LDLRAD4: variants seen among roughly 807,000 people sequenced by gnomAD.
The protein encoded by LDLRAD4 is low-density lipoprotein receptor class A domain-containing protein 4.
A neutral mutation model predicts 17.0 loss-of-function variants in LDLRAD4; 5 were observed. The observed-to-expected ratio is 0.29, with a 90% CI of 0.15 to 0.62. The LOEUF is 0.62. Among genes scored for constraint, LDLRAD4 ranks in the 20% least tolerant of loss-of-function variants. The pLI is 0.84. For missense variants in LDLRAD4, 340 were observed against 424.7 expected (o/e 0.80, Z 1.75); for synonymous variants, 168 against 171.8 (o/e 0.98, Z 0.17).
chr18:13,351,245 A>T (rs1568038217), intron 1 of LDLRAD4, among the ~76,000 whole-genome samples: 1 of 152,104 alleles, frequency 6.6e-6, no homozygotes, highest in Non-Finnish European at 1.5e-5. Context: ...CATGATATTG[A>T]TTCTTTCTAT....
Position 13,622,940 on chromosome 18 carries a change from G to C in LDLRAD4, c.336+1669G>C, listed in dbSNP as rs2040789754. 6.6e-6 allele frequency among the ~76,000 whole-genome samples: 1 copy of C among 152,160 alleles called. No individual in the cohort carries two copies. Among genetic ancestry groups the C allele is most frequent in the Admixed American group, 6.5e-5 (1 of 15,280 alleles). On this transcript the variant is annotated intron_variant, in intron 4 of 5. Coordinates refer to ENST00000359446, the Ensembl canonical transcript of LDLRAD4. This position sits in a 1 kb window ranked among gnomAD's most constrained non-coding sequence, Gnocchi z 5.3. ...GCACACAGGGAGTTTTCTGTCCCCT[G>C]CCTGGGCGCTCCCCAGTCTTCCTCC...
At chr18:13,257,839 G>A (rs1381357500) in intron 1 of LDLRAD4, among the ~76,000 whole-genome samples, 6 of 152,154 alleles carry the variant, frequency 3.9e-5, no homozygotes, top group African/African-American at 9.7e-5. Flanking sequence ...TGTGTCTGTC[G>A]TGCCCAGGTT....
At chr18:13,475,678 C>G (rs1600656887) in intron 3 of LDLRAD4, among the ~76,000 whole-genome samples, 1 of 152,290 alleles carries the variant, frequency 6.6e-6, no homozygotes, top group Middle Eastern at 3.4e-3. Flanking sequence ...GAACAGCCAA[C>G]AAGACCTGGC....
intron 1 of LDLRAD4, among the ~76,000 whole-genome samples, chr18:13,313,637 G>T (rs7242325): frequency 0.97 from 148,322 of 152,328 alleles, 72,334 homozygotes; most frequent in East Asian, 1. Flanking sequence ...ACGTGTGGAT[G>T]TCATTTGAAC....
chr18:13,389,269 C>T (rs777500941), intron 2 of LDLRAD4, among the ~76,000 whole-genome samples: 7 of 152,178 alleles, frequency 4.6e-5, no homozygotes, highest in Non-Finnish European at 1.0e-4. Context: ...CAGGGATGGG[C>T]AGCTCCCTCA....
At chr18:13,349,069 G>T (rs576186223) in intron 1 of LDLRAD4, among the ~76,000 whole-genome samples, 1 of 152,172 alleles carries the variant, frequency 6.6e-6, no homozygotes, top group Non-Finnish European at 1.5e-5. Flanking sequence ...TCGGTGCGCT[G>T]CCCCCACTGT....
intron 1 of LDLRAD4, among the ~76,000 whole-genome samples, chr18:13,263,847 A>T (rs2044060013): frequency 1.3e-5 from 2 of 152,250 alleles, no homozygotes; most frequent in Admixed American, 6.5e-5. Context: ...AAAGGTCATG[A>T]TTGGGTGGTA....
chr18:13,355,567 T>A (rs2083287457), intron 1 of LDLRAD4, among the ~76,000 whole-genome samples: 1 of 152,234 alleles, frequency 6.6e-6, no homozygotes, highest in African/African-American at 2.4e-5. Flanking sequence ...ATGCTGTCTG[T>A]CAATAATTCT....
chr18:13,601,094 A>G (rs1466260471), intron 3 of LDLRAD4, among the ~76,000 whole-genome samples: 2 of 152,196 alleles, frequency 1.3e-5, no homozygotes, highest in Non-Finnish European at 2.9e-5. Flanking sequence ...GTGTCATCAT[A>G]AAGTCCAGTC....
intron 1 of LDLRAD4, among the ~76,000 whole-genome samples, chr18:13,341,148 A>C (rs1260394964): frequency 3.3e-5 from 5 of 151,850 alleles, no homozygotes; most frequent in Admixed American, 3.3e-4. Flanking sequence ...CAAGTTTTGA[A>C]ATCAGGAATC....
intron 1 of LDLRAD4, among the ~76,000 whole-genome samples, chr18:13,340,701 T>C (rs1166728800): frequency 6.6e-6 from 1 of 152,198 alleles, no homozygotes; most frequent in African/African-American, 2.4e-5. Context: ...TTTCTTGATA[T>C]GTCTTTGGAT....
At chr18:13,309,937 A>G (rs1393264910) in intron 1 of LDLRAD4, among the ~76,000 whole-genome samples, 1 of 152,184 alleles carries the variant, frequency 6.6e-6, no homozygotes, top group Non-Finnish European at 1.5e-5. Flanking sequence ...ATGGAACGAT[A>G]GCGCAGTCTC....
intron 3 of LDLRAD4, chr18:13,612,258 G>A: frequency 1.0e-6 from 1 of 999,620 alleles, no homozygotes; most frequent in Non-Finnish European, 1.2e-6. Context: ...TGTGTGACAC[G>A]TCCAGGTGTG....
Position 13,622,212 on chromosome 18 carries a change from C to T in LDLRAD4, c.336+941C>T, listed in dbSNP as rs1179645995. ...GGGTGCAGCTGTCCAGGTGGGTTTC[C>T]TGGGGTGGCCGCTGGCCCTGGGACC... is the stretch of plus-strand genomic sequence containing the variant. On this transcript the variant is annotated intron_variant, in intron 4 of 5. Transcript: ENST00000359446. The surrounding 1 kb of genome is among the most constrained non-coding windows in gnomAD (Gnocchi z 5.3). Among the ~76,000 whole-genome samples, 1 of 152,094 alleles carries T rather than the reference C, an allele frequency of 6.6e-6. No individual in the cohort carries two copies. The highest frequency in any genetic ancestry group is 1.5e-5 in the Non-Finnish European group (1 of 67,992).
At chr18:13,274,266 C>A (rs957437633), upstream of LDLRAD4, among the ~76,000 whole-genome samples, 2 of 152,112 alleles carry the variant, frequency 1.3e-5, no homozygotes, top group Admixed American at 1.3e-4. Context: ...AGGGAGGAGG[C>A]CTGGATGGGG....
At chr18:13,360,991 A>G (rs760454589) in intron 1 of LDLRAD4, among the ~76,000 whole-genome samples, 17 of 152,328 alleles carry the variant, frequency 1.1e-4, no homozygotes, top group Middle Eastern at 3.4e-3. Flanking sequence ...AATAGTCTTT[A>G]AGGTTTGCAC....
Position 13,582,336 on chromosome 18 carries a change from A to G in LDLRAD4, c.182-38781A>G, listed in dbSNP as rs534382419. Among the ~76,000 whole-genome samples, 12 of 152,264 alleles carry G rather than the reference A, an allele frequency of 7.9e-5. 1 individual carries two copies. The South Asian group carries it at 8.3e-4, about 10-fold the overall frequency. On this transcript the variant is annotated intron_variant, in intron 3 of 5. Coordinates refer to ENST00000359446, the Ensembl canonical transcript of LDLRAD4. Reference sequence around the variant, plus strand: ...AGTTCTGTGTGCACTGTGCTGGACCATAAGTGGGCATCCCAGGCCGCAGCA... The same window carrying G: ...AGTTCTGTGTGCACTGTGCTGGACCGTAAGTGGGCATCCCAGGCCGCAGCA...
chr18:13,271,030 A>T (rs1295091342), intron 1 of LDLRAD4, among the ~76,000 whole-genome samples: 2 of 152,232 alleles, frequency 1.3e-5, no homozygotes, highest in Admixed American at 6.5e-5. Context: ...CAGAGGAAAG[A>T]TCAAACATAG....
At chr18:13,486,853 T>A (rs1461770143) in intron 3 of LDLRAD4, 2 of 152,168 alleles carry the variant, frequency 1.3e-5, no homozygotes, top group Non-Finnish European at 2.9e-5. Context: ...CCCCTTGAGC[T>A]GCATTTTGTT....
Sources: allele counts gnomAD v4.1 joint callset (sites outside exome capture counted in the v4.1 genomes callset), GRCh38; gene constraint gnomAD v4.1.1; non-coding constraint Gnocchi (gnomAD v3.1); transcripts MANE v1.5; gene names NCBI Gene and HGNC (gene_info 2026-07-23, HGNC 2026-07-21).